Variants in TSHZ2 observed in about 807,000 individuals in gnomAD.
The protein encoded by TSHZ2 is teashirt zinc finger homeobox 2.
Under a neutral mutation model 74.4 loss-of-function variants are expected in TSHZ2, and 21 were observed. The ratio of observed to expected loss-of-function variants is 0.28; its 90% CI spans 0.20 to 0.41. The LOEUF is 0.41. Among genes scored for constraint, TSHZ2 ranks in the 10% least tolerant of loss-of-function variants. TSHZ2 has a pLI of 1.00. For synonymous variants in TSHZ2, 540 were observed against 515.3 expected (o/e 1.05, Z -0.65); for missense variants, 1,244 against 1,293.5 (o/e 0.96, Z 0.59).
intron 1 of TSHZ2, chr20:53,185,529 C>A (rs2010170): frequency 7.1e-7 from 1 of 1,417,032 alleles, no homozygotes. Context: ...CAGGAGAATT[C>A]CTTGAACTGG....
intron 1 of TSHZ2, among the ~76,000 whole-genome samples, chr20:53,223,899 ACACAC>A (rs1195333803): frequency 0.055 from 15 of 274 alleles, no homozygotes; most frequent in Non-Finnish European, 0.071. Flanking sequence ...ACAGGACTAA[ACACAC>A]ACACACACAC....
chr20:53,060,746 T>A (rs902367578), intron 1 of TSHZ2, among the ~76,000 whole-genome samples: 2 of 152,092 alleles, frequency 1.3e-5, no homozygotes, highest in African/African-American at 4.8e-5. Flanking sequence ...TAAAAGTGAG[T>A]AAAAATATTA....
At chr20:53,015,770 C>T (rs139474997) in intron 1 of TSHZ2, among the ~76,000 whole-genome samples, 151 of 152,148 alleles carry the variant, frequency 9.9e-4, no homozygotes, top group African/African-American at 3.3e-3. Flanking sequence ...GTTAACTCAC[C>T]GGTGATCATG....
intron 2 of TSHZ2, among the ~76,000 whole-genome samples, chr20:53,358,535 G>A (rs1980936596): frequency 6.6e-6 from 1 of 151,740 alleles, no homozygotes; most frequent in Admixed American, 6.6e-5. Flanking sequence ...AGTAGAGATG[G>A]GGTTTCACCA....
At position 53,123,969 on chromosome 20, in the gene TSHZ2, C is replaced by T. The variant is rs11908090; in HGVS notation, c.41-129530C>T. ...GGCCAAATGGAGCGTTGGGTAATTGCCTGCTTAATATGGTTGATAGAGAAA... is the reference window on the plus strand; with the variant it reads ...GGCCAAATGGAGCGTTGGGTAATTGTCTGCTTAATATGGTTGATAGAGAAA... On this transcript the variant is annotated intron_variant, in intron 1 of 2. Coordinates refer to ENST00000371497, the MANE Select transcript of TSHZ2 (RefSeq NM_173485.6). Among the ~76,000 whole-genome samples, 396 of 152,270 alleles carry T rather than the reference C, an allele frequency of 2.6e-3. 2 individuals carry two copies. Among genetic ancestry groups the T allele is most frequent in the African/African-American group, 9.3e-3 (387 of 41,576 alleles).
At chr20:53,308,069 T>C (rs891981321) in intron 2 of TSHZ2, among the ~76,000 whole-genome samples, 1 of 152,190 alleles carries the variant, frequency 6.6e-6, no homozygotes, top group African/African-American at 2.4e-5. Context: ...ATAGTGAACA[T>C]CTTGAAGGCA....
At chr20:53,472,645 G>A (rs921576601) in intron 2 of TSHZ2, among the ~76,000 whole-genome samples, 2 of 152,034 alleles carry the variant, frequency 1.3e-5, no homozygotes, top group Non-Finnish European at 2.9e-5. Context: ...CCTCAGGGGG[G>A]AGGGAGGAGC....
In TSHZ2 at chr20:53,201,991, CCT is replaced by C. The variant is rs200955416; in HGVS notation, c.41-51499_41-51498del. Among the ~76,000 whole-genome samples, 1,412 of 152,240 alleles carry C rather than the reference CCT, an allele frequency of 9.3e-3. 12 individuals are homozygous for C. Among genetic ancestry groups the C allele is most frequent in the Non-Finnish European group, 0.014 (962 of 68,018 alleles). ...CAAAGGCAGTACTGACAGGTGTAAG[CCT>C]CTCTCTCTGCCCATCGCTAACCACC... is the stretch of plus-strand genomic sequence containing the variant. On this transcript the variant is annotated intron_variant, in intron 1 of 2. Transcript: ENST00000371497.
intron 1 of TSHZ2, among the ~76,000 whole-genome samples, chr20:53,111,841 C>G (rs1986542205): frequency 6.6e-6 from 1 of 152,116 alleles, no homozygotes; most frequent in African/African-American, 2.4e-5. Flanking sequence ...GGGATGACCC[C>G]CAGAGATTGC....
chr20:53,057,306 C>T (rs998323984), intron 1 of TSHZ2, among the ~76,000 whole-genome samples: 2 of 152,134 alleles, frequency 1.3e-5, no homozygotes, highest in African/African-American at 2.4e-5. Flanking sequence ...TTATATCTTC[C>T]TCTTTTACTC....
chr20:53,453,832 G>A (rs889920976), intron 2 of TSHZ2, among the ~76,000 whole-genome samples: 5 of 152,174 alleles, frequency 3.3e-5, no homozygotes, highest in African/African-American at 1.2e-4. Context: ...TCTCCAAACA[G>A]TAATCAGGCT....
intron 2 of TSHZ2, among the ~76,000 whole-genome samples, chr20:53,366,692 G>T (rs1352858397): frequency 6.6e-6 from 1 of 152,092 alleles, no homozygotes; most frequent in Non-Finnish European, 1.5e-5. Flanking sequence ...ATTAGACAGG[G>T]CTATTGTTAT....
intron 1 of TSHZ2, among the ~76,000 whole-genome samples, chr20:53,042,266 T>C (rs1031003768): frequency 6.6e-6 from 1 of 152,214 alleles, no homozygotes; most frequent in African/African-American, 2.4e-5. Flanking sequence ...TTTAGGATCA[T>C]CTGAAGTTCA....
At chr20:53,463,425 AG>A (rs777088624) in intron 2 of TSHZ2, among the ~76,000 whole-genome samples, 5,831 of 117,940 alleles carry the variant, frequency 0.049, 325 homozygotes, top group South Asian at 0.11. Flanking sequence ...GAAGGAAGGA[AG>A]GAAGGAAGGA....
chr20:53,010,450 ATGACTCTGC>A (rs1464520097), intron 1 of TSHZ2, among the ~76,000 whole-genome samples: 5 of 152,288 alleles, frequency 3.3e-5, no homozygotes, highest in African/African-American at 1.2e-4. Context: ...AGTGGAAAAC[ATGACTCTGC>A]TGTTCAGTGG....
chr20:52,973,520 G>C (rs943650241), intron 1 of TSHZ2, among the ~76,000 whole-genome samples, 187 bp downstream of exon 1: 1 of 152,124 alleles, frequency 6.6e-6, no homozygotes, highest in Middle Eastern at 3.2e-3. Context: ...TCCAAGCTCC[G>C]GTTGGGTTGG....
chr20:53,137,024 GGT>G (rs900467680), intron 1 of TSHZ2, among the ~76,000 whole-genome samples: 29 of 152,112 alleles, frequency 1.9e-4, no homozygotes, highest in Non-Finnish European at 7.4e-5. Flanking sequence ...AAGCAGGGAG[GGT>G]GGTGTGTCTG....
chr20:52,972,826 C>CTT lies in TSHZ2; in HGVS notation c.-459_-458dup, dbSNP rs536174829. On this transcript the variant is annotated 5_prime_UTR_variant, in exon 1 of 3. Coordinates refer to ENST00000371497, the MANE Select transcript of TSHZ2 (RefSeq NM_173485.6). Reference sequence around the variant, plus strand: ...AAACCCACTACCTTCCCAGGATTGCCTTTTTTTTTTCCTTATCTTTACGCG... The same window carrying CTT: ...AAACCCACTACCTTCCCAGGATTGCCTTTTTTTTTTTTCCTTATCTTTACGCG... 4.6e-5 allele frequency: 8 copies of CTT among 175,368 alleles called. No individual in the cohort carries two copies. Among genetic ancestry groups the CTT allele is most frequent in the East Asian group, 1.3e-4 (1 of 7,630 alleles). The allele number at this position is 175,368 out of a possible 1,614,324, so 10.9% of individuals were successfully genotyped here.
chr20:53,419,587 A>T (rs960553985), intron 2 of TSHZ2, among the ~76,000 whole-genome samples: 1 of 152,190 alleles, frequency 6.6e-6, no homozygotes, highest in African/African-American at 2.4e-5. Flanking sequence ...CCCACTCTAT[A>T]AAGAGCAAAG....
Sources: gnomAD v4.1 joint callset for allele counts (sites outside exome capture counted in the v4.1 genomes callset) on GRCh38, gnomAD v4.1.1 for gene constraint, MANE v1.5 for transcripts, NCBI Gene and HGNC (gene_info 2026-07-23, HGNC 2026-07-21) for gene names.